The following RGS12 variants were observed in gnomAD, a reference collection of about 807,000 sequenced individuals.
The protein encoded by RGS12 is regulator of G protein signaling 12.
A neutral mutation model predicts 120.1 loss-of-function variants in RGS12; 66 were observed. That is an observed-to-expected ratio of 0.55 (90% CI 0.45 to 0.67). RGS12 has a LOEUF of 0.67. Ranked by LOEUF, RGS12 falls within the 30% of genes least tolerant of loss-of-function variation. The pLI is 0.00. For synonymous variants in RGS12, 827 were observed against 804.7 expected (o/e 1.03, Z -0.47); for missense variants, 1,859 against 1,957.7 (o/e 0.95, Z 0.95).
At chr4:3,286,005 C>G in the RGS12 span, among the ~76,000 whole-genome samples, 1 of 152,246 alleles carries the variant, frequency 6.6e-6, no homozygotes, top group African/African-American at 2.4e-5. Context: ...GGGCTGCGCT[C>G]CAGGGACCGC....
At position 3,439,849 on chromosome 4, in the gene RGS12, T is replaced by C; in HGVS notation, c.*165T>C. ...AGGCACTGGCCCCGGACATTCGCCATGCTGGCCATGGGGCTCCCTGGCCCT... is the reference window on the plus strand; with the variant it reads ...AGGCACTGGCCCCGGACATTCGCCACGCTGGCCATGGGGCTCCCTGGCCCT... On this transcript the variant is annotated 3_prime_UTR_variant, in exon 18 of 18. Transcript: ENST00000336727. The C allele has an allele frequency of 1.6e-6, 1 of 629,604 alleles. No individual in the cohort carries two copies. The highest frequency in any genetic ancestry group is 2.6e-6 in the Non-Finnish European group (1 of 385,526). The allele number at this position is 629,604 out of a possible 1,614,324, so 39.0% of individuals were successfully genotyped here.
chr4:3,363,088 G>A (rs904381284), intron 3 of RGS12, among the ~76,000 whole-genome samples: 1 of 144,334 alleles, frequency 6.9e-6, no homozygotes, highest in African/African-American at 2.6e-5. Context: ...CATGTGTGAA[G>A]GCGTGTGTAT....
intron 1 of RGS12, among the ~76,000 whole-genome samples, chr4:3,294,820 G>C (rs1723273593): frequency 6.6e-6 from 1 of 152,240 alleles, no homozygotes; most frequent in Admixed American, 6.5e-5. Flanking sequence ...AGCAGAGGGA[G>C]GAGCGACAGG....
At chr4:3,404,325 A>G (rs377409670) in intron 4 of RGS12, among the ~76,000 whole-genome samples, 1 of 152,204 alleles carries the variant, frequency 6.6e-6, no homozygotes, top group Admixed American at 6.5e-5. Flanking sequence ...GTGAAAGTGA[A>G]TTTTGCCGCT....
At chr4:3,320,913 G>A (rs951250366) in intron 2 of RGS12, among the ~76,000 whole-genome samples, 8 of 152,196 alleles carry the variant, frequency 5.3e-5, no homozygotes, top group Non-Finnish European at 8.8e-5. Context: ...AGGGATGCAG[G>A]AAGTGCCTGG....
chr4:3,429,594 C>T (rs1724025455), intron 16 of RGS12, among the ~76,000 whole-genome samples: 1 of 152,214 alleles, frequency 6.6e-6, no homozygotes, highest in Non-Finnish European at 1.5e-5. Context: ...CTAGAGAAAG[C>T]CCAGTTTAGA....
intron 9 of RGS12, 110 bp from the exon 10 acceptor site, chr4:3,420,532 G>A (rs1722895129): frequency 2.0e-6 from 2 of 990,132 alleles, no homozygotes; most frequent in Non-Finnish European, 3.1e-6. Flanking sequence ...ATGGGTGGGG[G>A]GGGCTTCCTG....
At chr4:3,414,926 CGTGTGTGAGGGGCATGTGAGGGGT>C (rs1722180643) in intron 6 of RGS12, 82 bp downstream of exon 6, 6 of 938,982 alleles carry the variant, frequency 6.4e-6, no homozygotes, top group South Asian at 1.4e-5. Flanking sequence ...GAGAGGGCCA[CGTGTGTGAGGGGCATGTGAGGGGT>C]GTGTGTGAGG....
chr4:3,374,454 C>T lies in RGS12; in HGVS notation c.1999-11962C>T, dbSNP rs1444232868. Among the ~76,000 whole-genome samples the T allele has an allele frequency of 6.6e-6, 1 of 152,206 alleles. No homozygotes were observed. Among genetic ancestry groups the T allele is most frequent in the African/African-American group, 2.4e-5 (1 of 41,452 alleles). On this transcript the variant is annotated intron_variant, in intron 3 of 17. Coordinates refer to ENST00000336727, the MANE Select transcript of RGS12 (RefSeq NM_001394154.1). This position sits in a 1 kb window ranked among gnomAD's most constrained non-coding sequence, Gnocchi z 6.3. ...TCCCAGCCTGGCCCTGCAGCAGACACTTCTGCCCTGGGCCCCGGTCTCAGT... is the reference window on the plus strand; with the variant it reads ...TCCCAGCCTGGCCCTGCAGCAGACATTTCTGCCCTGGGCCCCGGTCTCAGT...
intron 17 of RGS12, among the ~76,000 whole-genome samples, chr4:3,438,543 T>G (rs1447640278): frequency 3.3e-5 from 5 of 152,130 alleles, no homozygotes; most frequent in Non-Finnish European, 4.4e-5. Context: ...CCAGCCATTC[T>G]GCGTGCACCG....
rs552077656 is a variant in RGS12 at position 3,307,604 on chromosome 4, CCCT to C, written c.-101-8460_-101-8458del. Among the ~76,000 whole-genome samples the C allele has an allele frequency of 1.6e-3, 237 of 152,346 alleles. 2 individuals carry two copies. Among genetic ancestry groups the C allele is most frequent in the African/African-American group, 5.4e-3 (225 of 41,582 alleles). On this transcript the variant is annotated intron_variant, in intron 1 of 17. Transcript: ENST00000336727. ...AGTCAAATAGGTTCTTGGCACCCTT[CCCT>C]CCTCCCCTCACTCGGCAGGCGTGGA...
At chr4:3,426,857 G>A (rs181165811) in intron 14 of RGS12, 1 of 152,274 alleles carries the variant, frequency 6.6e-6, no homozygotes, top group East Asian at 1.9e-4. Flanking sequence ...AGAGCTTTCT[G>A]GAAACCCACC....
In RGS12 at chr4:3,316,106, C is replaced by A. The variant is rs1263245687; in HGVS notation, c.-65C>A. 1 of 1,457,706 alleles carries A rather than the reference C, an allele frequency of 6.9e-7. No homozygotes were observed. The highest frequency in any genetic ancestry group is 9.2e-7 in the Non-Finnish European group (1 of 1,085,564). The allele number at this position is 1,457,706 out of a possible 1,614,324, so 90.3% of individuals were successfully genotyped here. ...AAGAAGCAAACATGGTAGCATCAAG[C>A]ATTCCTTGAAATATGGCTCCAAGGG... On this transcript the variant is annotated 5_prime_UTR_variant, in exon 2 of 18. Transcript: ENST00000336727.
At chr4:3,360,492 A>G (rs1382028670) in intron 3 of RGS12, among the ~76,000 whole-genome samples, 3 of 151,610 alleles carry the variant, frequency 2.0e-5, no homozygotes, top group Non-Finnish European at 2.9e-5. Context: ...TAAATTTTTT[A>G]TGTAAGCATT....
intron 3 of RGS12, among the ~76,000 whole-genome samples, chr4:3,351,759 G>A (rs1050898441): frequency 6.6e-6 from 1 of 152,056 alleles, no homozygotes; most frequent in African/African-American, 2.4e-5. Context: ...ACACGAGAAC[G>A]GACCACAGTA....
intron 4 of RGS12, among the ~76,000 whole-genome samples, chr4:3,396,945 T>C (rs1720102037): frequency 6.6e-6 from 1 of 151,910 alleles, no homozygotes; most frequent in Non-Finnish European, 1.5e-5. Context: ...TAATTATACA[T>C]ATGTGATCTT....
At chr4:3,436,029 G>C (rs978584310) in intron 17 of RGS12, among the ~76,000 whole-genome samples, 1 of 151,920 alleles carries the variant, frequency 6.6e-6, no homozygotes, top group Non-Finnish European at 1.5e-5. Flanking sequence ...CCACTCCCTC[G>C]CCAATGCCCA....
In RGS12 at chr4:3,421,224, T is replaced by C. The variant is rs561986073; in HGVS notation, c.2838+506T>C. On this transcript the variant is annotated intron_variant, in intron 10 of 17. Transcript: ENST00000336727. ...CGTCCTGGCCCCAGTTTCCAGCAGA[T>C]GAGGGAGATGAGCAGGCGCAGGCAG... 6.2e-4 allele frequency among the ~76,000 whole-genome samples: 94 copies of C among 152,180 alleles called. 4 individuals are homozygous for C. In the South Asian group the frequency reaches 0.013, roughly 22 times the overall value.
At chr4:3,327,545 A>G (rs1725637884) in intron 2 of RGS12, among the ~76,000 whole-genome samples, 1 of 152,254 alleles carries the variant, frequency 6.6e-6, no homozygotes, top group African/African-American at 2.4e-5. Context: ...AGGGTCTAAT[A>G]TCCAGAATAT....
Sources: allele counts gnomAD v4.1 joint callset (sites outside exome capture counted in the v4.1 genomes callset), GRCh38; gene constraint gnomAD v4.1.1; non-coding constraint Gnocchi (gnomAD v3.1); transcripts MANE v1.5; gene names NCBI Gene and HGNC (gene_info 2026-07-23, HGNC 2026-07-21).